The following LPCAT3 variants were observed in gnomAD, a reference collection of about 807,000 sequenced individuals.
LPCAT3 encodes the protein lysophosphatidylcholine acyltransferase 3.
Under a neutral mutation model 63.4 loss-of-function variants are expected in LPCAT3, and 21 were observed. The ratio of observed to expected loss-of-function variants is 0.33; its 90% CI spans 0.23 to 0.48. The LOEUF (loss-of-function observed/expected upper bound fraction) is 0.48, where lower values mean the gene tolerates loss of function less well. LPCAT3 is among the 20% of genes least tolerant of loss of function. The probability of loss-of-function intolerance (pLI) is 0.99; values close to 1 mark genes in which losing one functional copy is unlikely to be tolerated. For missense variants in LPCAT3, 451 were observed against 590.6 expected, an observed-to-expected ratio of 0.76 and a Z score of 2.45; for synonymous variants, 242 against 227.5, an observed-to-expected ratio of 1.06 and a Z score of -0.58.
chr12:7,013,782 C>T (rs1051342037), intron 1 of LPCAT3, among the ~76,000 whole-genome samples: 1 of 152,214 alleles, frequency 6.6e-6, no homozygotes, highest in Non-Finnish European at 1.5e-5. Flanking sequence ...TCCTTAGTTT[C>T]CCTACTACTT....
chr12:6,982,580 T>C (rs1591547404), intron 3 of LPCAT3, 96 bp downstream of exon 3: 2 of 877,462 alleles, frequency 2.3e-6, no homozygotes, highest in East Asian at 2.6e-5. Flanking sequence ...GGTTAGAAAT[T>C]AGGTCTGCTA....
intron 1 of LPCAT3, among the ~76,000 whole-genome samples, chr12:7,012,545 TA>T (rs1946770200): frequency 6.6e-6 from 1 of 152,222 alleles, no homozygotes; most frequent in African/African-American, 2.4e-5. Flanking sequence ...TGCCAGCTAT[TA>T]CTATTATCAA....
chr12:6,978,557 C>T, intron 8 of LPCAT3, 46 bp downstream of exon 8: 1 of 1,613,194 alleles, frequency 6.2e-7, no homozygotes, highest in Non-Finnish European at 8.5e-7. Context: ...CATACTGGCC[C>T]CCATGGCTTG....
At chr12:6,994,998 A>G (rs1353818704) in intron 1 of LPCAT3, among the ~76,000 whole-genome samples, 1 of 152,094 alleles carries the variant, frequency 6.6e-6, no homozygotes, top group Admixed American at 6.5e-5. Flanking sequence ...TTTAGTTCTA[A>G]CTTCTTTTTC....
chr12:7,018,444 C>G lies in LPCAT3; in HGVS notation c.-20G>C. The stretch of plus-strand genomic sequence containing the variant: ...CGCCATCTTAACTCCGGGAGCCCCA[C>G]AGGGACCCCCCAGCTCCGCGCGCCC... On this transcript the variant is annotated 5_prime_UTR_variant, in exon 1 of 13. Transcript: ENST00000261407. The surrounding 1 kb of genome is among the most constrained non-coding windows in gnomAD (Gnocchi z 4.9). 1 of 1,580,748 alleles carries G rather than the reference C, an allele frequency of 6.3e-7. No individual in the cohort carries two copies. The highest frequency in any genetic ancestry group is 8.6e-7 in the Non-Finnish European group (1 of 1,161,116).
At chr12:7,010,555 A>G (rs782521701) in intron 1 of LPCAT3, among the ~76,000 whole-genome samples, 1 of 152,326 alleles carries the variant, frequency 6.6e-6, no homozygotes, top group South Asian at 2.1e-4. Flanking sequence ...AGCTGGGACT[A>G]CAGACACATG....
intron 6 of LPCAT3, 90 bp from the exon 7 acceptor site, chr12:6,979,669 G>A: frequency 1.1e-6 from 1 of 883,634 alleles, no homozygotes; most frequent in East Asian, 2.5e-5. Flanking sequence ...GGAGTGTTTA[G>A]GGGTGTGGTT....
intron 1 of LPCAT3, among the ~76,000 whole-genome samples, chr12:7,016,645 C>T (rs1555157634): frequency 6.6e-6 from 1 of 152,164 alleles, no homozygotes; most frequent in African/African-American, 2.4e-5. Context: ...CCTTGGCCTC[C>T]CAAAGTGTTA....
chr12:6,999,405 G>T (rs1946666072), intron 1 of LPCAT3, among the ~76,000 whole-genome samples: 1 of 152,128 alleles, frequency 6.6e-6, no homozygotes, highest in African/African-American at 2.4e-5. Flanking sequence ...GAGAAAGAAA[G>T]AAAAAGGGTT....
intron 1 of LPCAT3, among the ~76,000 whole-genome samples, chr12:6,999,916 C>CTT (rs782553121): frequency 0.018 from 2,094 of 114,482 alleles, 69 homozygotes; most frequent in South Asian, 0.044. Context: ...TACTTACATT[C>CTT]TTTTTTTTTT....
At position 6,977,285 on chromosome 12, in the gene LPCAT3, G is replaced by C; in HGVS notation, c.1348-23C>G. 2.5e-6 allele frequency: 4 copies of C among 1,610,690 alleles called. No homozygotes were observed. Among genetic ancestry groups the C allele is most frequent in the Non-Finnish European group, 3.4e-6 (4 of 1,176,920 alleles). On this transcript the variant is annotated intron_variant, in intron 11 of 12. Coordinates refer to ENST00000261407, the MANE Select transcript of LPCAT3 (RefSeq NM_005768.6). This position sits in a 1 kb window ranked among gnomAD's most constrained non-coding sequence, Gnocchi z 4.5. Reference sequence around the variant, plus strand: ...CACCTGTGGAGAGAGAGGCCACTAAGGTAGACAGGCCTGGAGTGTCCTTTG... The same window carrying C: ...CACCTGTGGAGAGAGAGGCCACTAACGTAGACAGGCCTGGAGTGTCCTTTG...
intron 1 of LPCAT3, among the ~76,000 whole-genome samples, chr12:6,988,553 G>A (rs1039434990): frequency 1.3e-5 from 2 of 152,130 alleles, no homozygotes; most frequent in Non-Finnish European, 2.9e-5. Flanking sequence ...TTTTGTGGGA[G>A]CCAATGCTTA....
At chr12:6,982,990 T>C in intron 2 of LPCAT3, 1 of 639,732 alleles carries the variant, frequency 1.6e-6, no homozygotes, top group Non-Finnish European at 2.8e-6. Context: ...CTTTTTTTGT[T>C]TGTTTTTTTA....
intron 1 of LPCAT3, among the ~76,000 whole-genome samples, chr12:6,999,950 C>T (rs924541383): frequency 1.5e-5 from 2 of 132,238 alleles, no homozygotes; most frequent in South Asian, 2.3e-4. Flanking sequence ...GACAGAGTCT[C>T]GCTCTGTTCC....
chr12:6,977,582 C>A lies in LPCAT3; in HGVS notation c.1188+16G>T. ...TGTCCCTTATATTCCCCTTCACCCC[C>A]ACCCTGGAGGCCTACCTGTCTTTCC... On this transcript the variant is annotated intron_variant, in intron 10 of 12. Transcript: ENST00000261407. This position sits in a 1 kb window ranked among gnomAD's most constrained non-coding sequence, Gnocchi z 4.5. 6.2e-7 allele frequency: 1 copy of A among 1,614,210 alleles called. No homozygotes were observed. Among genetic ancestry groups the A allele is most frequent in the Non-Finnish European group, 8.5e-7 (1 of 1,180,042 alleles).
chr12:6,982,459 G>A (rs144784400), intron 3 of LPCAT3, among the ~76,000 whole-genome samples: 165 of 152,334 alleles, frequency 1.1e-3, no homozygotes, highest in Admixed American at 9.4e-3. Flanking sequence ...GGGTTAGCTG[G>A]TGGCCCTTCC....
chr12:6,983,553 A>G lies in LPCAT3; in HGVS notation c.152-14T>C. 1 of 1,519,050 alleles carries G rather than the reference A, an allele frequency of 6.6e-7. No individual in the cohort carries two copies. Among genetic ancestry groups the G allele is most frequent in the East Asian group, 2.3e-5 (1 of 44,370 alleles). The allele number at this position is 1,519,050 out of a possible 1,614,324, so 94.1% of individuals were successfully genotyped here. ...CAAAGGGGTAACCTAGATGGGGGAAAAGATAAGAAGAGTGTTATTTGTGCC... is the reference window on the plus strand; with the variant it reads ...CAAAGGGGTAACCTAGATGGGGGAAGAGATAAGAAGAGTGTTATTTGTGCC... On this transcript the variant is annotated splice_polypyrimidine_tract_variant and intron_variant, in intron 1 of 12. Transcript: ENST00000261407.
rs782621898 is a variant in LPCAT3, at chr12:6,989,320, T to G, written c.152-5781A>C. On this transcript the variant is annotated intron_variant, in intron 1 of 12. Coordinates refer to ENST00000261407, the MANE Select transcript of LPCAT3 (RefSeq NM_005768.6). ...GGGACATTCAAAATGCGTGTTTTTT[T>G]TTTTTTTTTTTGAGACAGAGTCTCT... 2.7e-5 allele frequency among the ~76,000 whole-genome samples: 4 copies of G among 150,430 alleles called. No homozygotes were observed. The East Asian group carries it at 7.8e-4, about 29-fold the overall frequency.
At chr12:6,997,739 A>G (rs1591553895) in intron 1 of LPCAT3, among the ~76,000 whole-genome samples, 1 of 151,898 alleles carries the variant, frequency 6.6e-6, no homozygotes, top group East Asian at 1.9e-4. Flanking sequence ...GGCAGGCGCC[A>G]CCACACGGGG....
Sources: allele counts gnomAD v4.1 joint callset (sites outside exome capture counted in the v4.1 genomes callset), GRCh38; gene constraint gnomAD v4.1.1; non-coding constraint Gnocchi (gnomAD v3.1); transcripts MANE v1.5; gene names NCBI Gene and HGNC (gene_info 2026-07-23, HGNC 2026-07-21).